Variants in NEDD4L observed in about 807,000 individuals in gnomAD.
NEDD4L encodes NEDD4 like E3 ubiquitin protein ligase, also known as E3 ubiquitin-protein ligase NEDD4-like.
Under a neutral mutation model 148.9 loss-of-function variants are expected in NEDD4L, and 54 were observed. That is an observed-to-expected ratio of 0.36 (90% CI 0.29 to 0.45). The LOEUF is 0.45. NEDD4L is among the 20% of genes least tolerant of loss of function. The pLI, the probability that NEDD4L is intolerant of heterozygous loss-of-function variation, is 1.00. For missense variants in NEDD4L, 856 were observed against 1,233.8 expected, an observed-to-expected ratio of 0.69 and a Z score of 4.59; for synonymous variants, 433 against 440.7, an observed-to-expected ratio of 0.98 and a Z score of 0.22.
At chr18:58,265,463 A>G (rs574000549) in intron 5 of NEDD4L, among the ~76,000 whole-genome samples, 2 of 152,156 alleles carry the variant, frequency 1.3e-5, no homozygotes, top group African/African-American at 4.8e-5. Context: ...CTGCCATTTA[A>G]TGGTGGTAGC....
At chr18:58,191,809 A>G (rs1217999812) in intron 2 of NEDD4L, among the ~76,000 whole-genome samples, 2 of 152,130 alleles carry the variant, frequency 1.3e-5, no homozygotes, top group Middle Eastern at 3.2e-3. Flanking sequence ...AGGGGAAGCA[A>G]TCTGGGAAAC....
At chr18:58,276,208 T>TTC (rs1555782947) in intron 5 of NEDD4L, among the ~76,000 whole-genome samples, 1 of 122,306 alleles carries the variant, frequency 8.2e-6, no homozygotes, top group Admixed American at 7.9e-5. Flanking sequence ...TTTTTTTTTT[T>TTC]TTTTGGGTGG....
intron 1 of NEDD4L, chr18:58,047,060 C>T (rs2081617266): frequency 6.3e-6 from 1 of 159,288 alleles, no homozygotes; most frequent in Non-Finnish European, 1.3e-5. Flanking sequence ...CTTGTTTTGT[C>T]TCCCTGAATT....
At chr18:58,054,931 A>G (rs1446604767) in intron 1 of NEDD4L, 1 of 152,166 alleles carries the variant, frequency 6.6e-6, no homozygotes, top group Non-Finnish European at 1.5e-5. Flanking sequence ...TATTATTGGT[A>G]TTATTATTAA....
chr18:58,045,382 C>T (rs1193824320), intron 1 of NEDD4L: 2 of 377,130 alleles, frequency 5.3e-6, no homozygotes, highest in African/African-American at 4.2e-5. Flanking sequence ...TTTTTCCTCC[C>T]GAGGATTCAA....
intron 2 of NEDD4L, among the ~76,000 whole-genome samples, chr18:58,236,209 T>C (rs1445903682): frequency 6.6e-6 from 1 of 151,760 alleles, no homozygotes; most frequent in Non-Finnish European, 1.5e-5. Flanking sequence ...TTTTAAAAAT[T>C]AGCCAGGCAT....
At chr18:58,279,140 G>C (rs2052611347) in intron 5 of NEDD4L, among the ~76,000 whole-genome samples, 1 of 152,068 alleles carries the variant, frequency 6.6e-6, no homozygotes, top group Non-Finnish European at 1.5e-5. Context: ...GCCTCCCAAA[G>C]TGCTGGGATT....
At chr18:58,369,084 A>G (rs528861325) in intron 22 of NEDD4L, among the ~76,000 whole-genome samples, 3 of 152,352 alleles carry the variant, frequency 2.0e-5, no homozygotes, top group Admixed American at 2.0e-4. Context: ...AAACCAGAAG[A>G]ATCACAGTGA....
intron 30 of NEDD4L, among the ~76,000 whole-genome samples, chr18:58,395,166 G>A (rs897260529): frequency 3.9e-5 from 6 of 152,160 alleles, no homozygotes; most frequent in African/African-American, 9.7e-5. Flanking sequence ...GAGCTCTTAC[G>A]TCATAATGAG....
In NEDD4L at chr18:58,335,331, T is replaced by C; in HGVS notation, c.1066-147T>C. The C allele has an allele frequency of 4.7e-6, 3 of 638,772 alleles. No individual in the cohort carries two copies. In the Admixed American group the frequency reaches 7.6e-5, roughly 16 times the overall value. The allele number at this position is 638,772 out of a possible 1,614,324, so 39.6% of individuals were successfully genotyped here. Reference sequence around the variant, plus strand: ...CTTTGTGCTACTGGTCATCAGCGACTGCTGGCTTTGTCTGGATAGGGTGGG... The same window carrying C: ...CTTTGTGCTACTGGTCATCAGCGACCGCTGGCTTTGTCTGGATAGGGTGGG... On this transcript the variant is annotated intron_variant, in intron 12 of 30. Coordinates refer to ENST00000400345, the MANE Select transcript of NEDD4L (RefSeq NM_001144967.3).
rs1269326688 is a variant in NEDD4L at position 58,084,670 on chromosome 18, T to TG, written c.48+39962_48+39963insG. On this transcript the variant is annotated intron_variant, in intron 1 of 30. Transcript: ENST00000400345. The stretch of plus-strand genomic sequence containing the variant: ...CCTTCTCACTATATCTTGTGGGGTT[T>TG]TTGTGTGTGTGTGTGTGTGTGTGTG... Among the ~76,000 whole-genome samples, 234 of 129,536 alleles carry TG rather than the reference T, an allele frequency of 1.8e-3. 1 individual carries two copies. Among genetic ancestry groups the TG allele is most frequent in the South Asian group, 3.3e-3 (12 of 3,658 alleles). 85.0% of individuals were successfully genotyped at this position (129,536 alleles called of 152,430 possible). A position where few individuals can be genotyped will look rare whatever the true frequency, so the allele number is the denominator to read the frequency against.
chr18:58,192,179 TTAA>T (rs771660944), intron 2 of NEDD4L, among the ~76,000 whole-genome samples: 1 of 152,200 alleles, frequency 6.6e-6, no homozygotes, highest in Non-Finnish European at 1.5e-5. Flanking sequence ...TTAAAAAAAC[TTAA>T]TGATGATAGC....
At chr18:58,326,053 C>T (rs1184052262) in intron 9 of NEDD4L, among the ~76,000 whole-genome samples, 4 of 152,120 alleles carry the variant, frequency 2.6e-5, no homozygotes, top group Non-Finnish European at 5.9e-5. Flanking sequence ...TCTACTCGAA[C>T]TCTGAAAGAA....
intron 1 of NEDD4L, among the ~76,000 whole-genome samples, chr18:58,051,922 C>G (rs1373232270): frequency 6.6e-6 from 1 of 152,098 alleles, no homozygotes; most frequent in African/African-American, 2.4e-5. Context: ...TGTTTCTCTT[C>G]CAGGTCACAA....
intron 1 of NEDD4L, among the ~76,000 whole-genome samples, chr18:58,136,945 G>T (rs1455646732): frequency 1.3e-5 from 2 of 152,192 alleles, no homozygotes; most frequent in East Asian, 3.8e-4. Context: ...TCAAGGAATA[G>T]ATACATTTTT....
intron 13 of NEDD4L, 193 bp downstream of exon 13, chr18:58,335,730 T>C: frequency 2.0e-6 from 1 of 507,810 alleles, no homozygotes; most frequent in South Asian, 2.8e-5. Flanking sequence ...GAATGATTTT[T>C]TTAGTCCCAC....
rs185777355 is a variant in NEDD4L, at chr18:58,120,149, C to T, written c.49-45639C>T. ...CATGAAACCTCTCTGGCTGCCTTGA[C>T]GTCAGCCAGATTGGACTGCCCAAAT... On this transcript the variant is annotated intron_variant, in intron 1 of 30. Transcript: ENST00000400345. 5.5e-3 allele frequency among the ~76,000 whole-genome samples: 840 copies of T among 152,266 alleles called. 36 individuals are homozygous for T. Among genetic ancestry groups the T allele is most frequent in the Admixed American group, 0.051 (786 of 15,300 alleles).
intron 1 of NEDD4L, among the ~76,000 whole-genome samples, chr18:58,116,520 AT>A (rs1940581126): frequency 6.6e-6 from 1 of 152,200 alleles, no homozygotes; most frequent in Non-Finnish European, 1.5e-5. Flanking sequence ...TGCAGCCTAA[AT>A]TTGGGGCCAG....
intron 24 of NEDD4L, among the ~76,000 whole-genome samples, chr18:58,377,686 A>G (rs2047745191): frequency 6.6e-6 from 1 of 152,090 alleles, no homozygotes. Flanking sequence ...GGCTGTAACA[A>G]GTGAAAATTC....
Sources: gnomAD v4.1 joint callset for allele counts (sites outside exome capture counted in the v4.1 genomes callset) on GRCh38, gnomAD v4.1.1 for gene constraint, MANE v1.5 for transcripts, NCBI Gene and HGNC (gene_info 2026-07-23, HGNC 2026-07-21) for gene names.